Variants in DIS3L2 observed in about 807,000 individuals in gnomAD.
DIS3L2 encodes DIS3-like exonuclease 2.
In DIS3L2, 34 loss-of-function variants were observed where a neutral mutation model predicts 97.5. The observed-to-expected ratio is 0.35, with a 90% confidence interval of 0.27 to 0.46. The LOEUF is 0.46. Ranked by LOEUF, DIS3L2 falls within the 20% of genes least tolerant of loss-of-function variation. The pLI, the probability that DIS3L2 is intolerant of heterozygous loss-of-function variation, is 1.00. For synonymous variants in DIS3L2, 435 were observed against 445.2 expected (o/e 0.98, Z 0.29); for missense variants, 1,038 against 1,146.0 (o/e 0.91, Z 1.36).
intron 5 of DIS3L2, among the ~76,000 whole-genome samples, chr2:232,054,034 G>A (rs1050683496): frequency 4.6e-5 from 7 of 152,116 alleles, no homozygotes; most frequent in Admixed American, 6.5e-5. Flanking sequence ...AGGTATGTTC[G>A]AAAAGGGCTT....
At chr2:232,023,698 A>G (rs1694579676) in intron 3 of DIS3L2, among the ~76,000 whole-genome samples, 1 of 152,224 alleles carries the variant, frequency 6.6e-6, no homozygotes, top group Admixed American at 6.5e-5. Flanking sequence ...TGTTGGAGCC[A>G]GGATTCCAGT....
In DIS3L2 at chr2:232,130,628, A is replaced by T. The variant is rs1698187854; in HGVS notation, c.611A>T (p.Asp204Val). 1 of 1,610,654 alleles carries T rather than the reference A, an allele frequency of 6.2e-7. No individual in the cohort carries two copies. The highest frequency in any genetic ancestry group is 8.5e-7 in the Non-Finnish European group (1 of 1,178,444). Residue 204 changes from aspartate (D) to valine (V), a missense_variant, in exon 7 of 21, where the codon GAT (aspartate) becomes GTT (valine). Transcript: ENST00000325385. The part of the protein sequence containing the change: ...SVCVSEKGRE[D>V]GDAPVTKDET... ...TATCTTTTTAATGTAGGAAGAGAGG[A>T]TGGTGATGCACCGGTTACAAAAGAT...
At chr2:232,174,543 G>T (rs139800271) in intron 9 of DIS3L2, among the ~76,000 whole-genome samples, 2 of 135,796 alleles carry the variant, frequency 1.5e-5, no homozygotes, top group African/African-American at 2.8e-5. Flanking sequence ...CAGAGATCAC[G>T]CCACTGCACT....
chr2:232,339,757 G>A (rs1406733862), downstream of DIS3L2: 3 of 455,362 alleles, frequency 6.6e-6, no homozygotes, highest in East Asian at 1.4e-4. Context: ...GCCCAGCAGT[G>A]CCTTTTGGGA....
At chr2:231,998,277 G>T (rs1180994593) in intron 1 of DIS3L2, among the ~76,000 whole-genome samples, 1 of 152,214 alleles carries the variant, frequency 6.6e-6, no homozygotes, top group Non-Finnish European at 1.5e-5. Flanking sequence ...AGGCATAAGG[G>T]CAAGAGAGCA....
chr2:232,061,014 T>A (rs1037494920), intron 5 of DIS3L2, among the ~76,000 whole-genome samples: 1 of 152,248 alleles, frequency 6.6e-6, no homozygotes, highest in Non-Finnish European at 1.5e-5. Flanking sequence ...CATGAAACTT[T>A]ACTGAAATTG....
chr2:232,205,239 A>ATAT (rs1411143783), intron 9 of DIS3L2, among the ~76,000 whole-genome samples: 1 of 132,680 alleles, frequency 7.5e-6, no homozygotes, highest in Admixed American at 7.3e-5. Flanking sequence ...TATATATATA[A>ATAT]AATGCAGTGA....
chr2:232,298,777 C>G (rs1374071774), intron 13 of DIS3L2, among the ~76,000 whole-genome samples: 1 of 152,190 alleles, frequency 6.6e-6, no homozygotes, highest in Non-Finnish European at 1.5e-5. Flanking sequence ...AATTTATAAA[C>G]ATAGTAGTTG....
intron 5 of DIS3L2, among the ~76,000 whole-genome samples, chr2:232,086,611 GTGTATATATATATATATACACATA>G (rs1400155142): frequency 1.2e-4 from 7 of 58,052 alleles, no homozygotes; most frequent in African/African-American, 4.3e-4. Flanking sequence ...ATGTGTGTGT[GTGTATATATATATATATACACATA>G]TATATATATG....
intron 13 of DIS3L2, among the ~76,000 whole-genome samples, chr2:232,295,740 C>A (rs1694709431): frequency 6.6e-6 from 1 of 152,190 alleles, no homozygotes; most frequent in Non-Finnish European, 1.5e-5. Context: ...ATTCGTTTTT[C>A]AACCTGTCAC....
At chr2:232,318,981 T>C (rs1695353182) in intron 14 of DIS3L2, among the ~76,000 whole-genome samples, 1 of 152,234 alleles carries the variant, frequency 6.6e-6, no homozygotes, top group Admixed American at 6.5e-5. Flanking sequence ...TTCATGTTCC[T>C]TGAGTGCAGT....
At chr2:232,236,539 T>C (rs1411215045) in intron 10 of DIS3L2, among the ~76,000 whole-genome samples, 3 of 152,192 alleles carry the variant, frequency 2.0e-5, no homozygotes, top group Non-Finnish European at 4.4e-5. Context: ...ATTGGCATGA[T>C]TATGTAGCAT....
intron 5 of DIS3L2, among the ~76,000 whole-genome samples, chr2:232,086,425 A>G (rs935321298): frequency 6.8e-6 from 1 of 147,494 alleles, no homozygotes; most frequent in Admixed American, 6.8e-5. Context: ...ATGCAGAGAA[A>G]GACCTTTCAC....
intron 1 of DIS3L2, among the ~76,000 whole-genome samples, chr2:231,995,638 G>C (rs901026093): frequency 6.6e-6 from 1 of 152,132 alleles, no homozygotes; most frequent in Admixed American, 6.5e-5. Flanking sequence ...TGCTCCCAGG[G>C]TCTCTATAGC....
At chr2:232,216,882 G>C (rs973645222) in intron 10 of DIS3L2, among the ~76,000 whole-genome samples, 2 of 135,634 alleles carry the variant, frequency 1.5e-5, no homozygotes, top group Admixed American at 8.7e-5. Context: ...TTGCTCTGTC[G>C]CCCAGGCTGG....
intron 5 of DIS3L2, among the ~76,000 whole-genome samples, chr2:232,065,731 A>G (rs1695837302): frequency 6.6e-6 from 1 of 151,992 alleles, no homozygotes. Context: ...TTTGGATTGC[A>G]TTGAGTCTGT....
chr2:232,268,677 C>T lies in DIS3L2; in HGVS notation c.1659+5237C>T, dbSNP rs1001442723. Among the ~76,000 whole-genome samples, 5 of 152,174 alleles carry T rather than the reference C, an allele frequency of 3.3e-5. No homozygotes were observed. The highest frequency in any genetic ancestry group is 1.2e-4 in the African/African-American group (5 of 41,438). On this transcript the variant is annotated intron_variant, in intron 13 of 20. Coordinates refer to ENST00000325385, the MANE Select transcript of DIS3L2 (RefSeq NM_152383.5). The surrounding 1 kb of genome is among the most constrained non-coding windows in gnomAD (Gnocchi z 4.1). ...ATTATTTTTCAGCCATTTAAAAATG[C>T]ATAAACCAGTCTTAGCTCATGGGTC...
Position 232,330,790 on chromosome 2 carries a change from A to C in DIS3L2, c.2010+14A>C. ...CGGCCCATGCAGGTAAGGAGGGCCC[A>C]GCCCCGGCCTCCCCTGCTCCCAGGA... On this transcript the variant is annotated intron_variant, in intron 16 of 20. Transcript: ENST00000325385. 1 of 1,607,104 alleles carries C rather than the reference A, an allele frequency of 6.2e-7. No homozygotes were observed. The highest frequency in any genetic ancestry group is 1.1e-5 in the South Asian group (1 of 91,082).
intron 5 of DIS3L2, among the ~76,000 whole-genome samples, chr2:232,041,238 G>A (rs1695102695): frequency 6.6e-6 from 1 of 152,142 alleles, no homozygotes; most frequent in Admixed American, 6.6e-5. Flanking sequence ...GTTGCAGCTT[G>A]CTGTTCAAGG....
Sources: allele counts gnomAD v4.1 joint callset (sites outside exome capture counted in the v4.1 genomes callset), GRCh38; gene constraint gnomAD v4.1.1; non-coding constraint Gnocchi (gnomAD v3.1); transcripts MANE v1.5; gene names NCBI Gene and HGNC (gene_info 2026-07-23, HGNC 2026-07-21).